Variants in SLIT3 observed in about 807,000 individuals in gnomAD.
SLIT3 encodes the protein slit homolog 3 protein.
A neutral mutation model predicts 184.0 loss-of-function variants in SLIT3; 68 were observed. That is an observed-to-expected ratio of 0.37 (90% CI 0.30 to 0.45). The LOEUF is 0.45. Ranked by LOEUF, SLIT3 falls within the 20% of genes least tolerant of loss-of-function variation. The pLI is 1.00. For missense variants in SLIT3, 1,707 were observed against 2,026.0 expected, an observed-to-expected ratio of 0.84 and a Z score of 3.02; for synonymous variants, 831 against 828.6, an observed-to-expected ratio of 1.00 and a Z score of -0.05.
intron 1 of SLIT3, among the ~76,000 whole-genome samples, chr5:169,294,867 G>A (rs1441454547): frequency 6.6e-6 from 1 of 152,144 alleles, no homozygotes; most frequent in Non-Finnish European, 1.5e-5. Flanking sequence ...GTAAGCCACT[G>A]TGACACAATC....
intron 4 of SLIT3, among the ~76,000 whole-genome samples, chr5:169,124,112 C>G (rs1395330375): frequency 6.6e-6 from 1 of 152,110 alleles, no homozygotes; most frequent in Non-Finnish European, 1.5e-5. Flanking sequence ...GTCTTAAAAT[C>G]TGTAAAGGGC....
intron 26 of SLIT3, 88 bp from the exon 27 acceptor site, chr5:168,700,767 C>T (rs1025732776): frequency 1.1e-6 from 1 of 947,048 alleles, no homozygotes; most frequent in Non-Finnish European, 1.7e-6. Flanking sequence ...CCAGCATTCT[C>T]TGTGATGAGG....
chr5:168,725,303 C>T (rs544423304), intron 20 of SLIT3, among the ~76,000 whole-genome samples: 5 of 152,264 alleles, frequency 3.3e-5, no homozygotes, highest in African/African-American at 1.2e-4. Flanking sequence ...AAGATAAGAA[C>T]GTCTCATTGT....
At chr5:168,818,019 G>A (rs1240480202) in intron 7 of SLIT3, among the ~76,000 whole-genome samples, 2 of 151,960 alleles carry the variant, frequency 1.3e-5, no homozygotes, top group Non-Finnish European at 2.9e-5. Context: ...CACTTTGTGT[G>A]CACTAGCTGG....
At position 168,870,013 on chromosome 5, in the gene SLIT3, G is replaced by A. The variant is rs934453115; in HGVS notation, c.485+13252C>T. ...GGCAGACACAGAAGTGCTCCGTGCCGGCACGGCAGGCGCTATGCATATGGA... is the reference window on the plus strand; with the variant it reads ...GGCAGACACAGAAGTGCTCCGTGCCAGCACGGCAGGCGCTATGCATATGGA... On this transcript the variant is annotated intron_variant, in intron 5 of 35. Coordinates refer to ENST00000519560, the MANE Select transcript of SLIT3 (RefSeq NM_003062.4). 9.2e-5 allele frequency among the ~76,000 whole-genome samples: 14 copies of A among 152,354 alleles called. 1 individual carries two copies. The highest frequency in any genetic ancestry group is 7.8e-4 in the Admixed American group (12 of 15,310).
At chr5:169,097,914 G>A (rs999474717) in intron 4 of SLIT3, among the ~76,000 whole-genome samples, 1 of 152,210 alleles carries the variant, frequency 6.6e-6, no homozygotes, top group Non-Finnish European at 1.5e-5. Flanking sequence ...CAAGGCCTGA[G>A]CTTTTAAAAA....
intron 4 of SLIT3, chr5:168,993,073 G>A (rs797006347): frequency 3.3e-5 from 5 of 152,278 alleles, no homozygotes; most frequent in African/African-American, 1.2e-4. Context: ...TAGGTGTTTG[G>A]GTCGGCTCTT....
intron 4 of SLIT3, among the ~76,000 whole-genome samples, chr5:169,063,706 C>G (rs1425872456): frequency 2.0e-5 from 3 of 152,174 alleles, no homozygotes; most frequent in Non-Finnish European, 4.4e-5. Flanking sequence ...CTGTGAAATG[C>G]AAAGGGAATT....
chr5:169,162,061 AC>A (rs1178494516), intron 4 of SLIT3, among the ~76,000 whole-genome samples: 5 of 152,220 alleles, frequency 3.3e-5, no homozygotes, highest in African/African-American at 1.2e-4. Flanking sequence ...GTTAATTTTC[AC>A]AACAACTTGT....
At chr5:168,815,679 G>A (rs777670428) in intron 8 of SLIT3, among the ~76,000 whole-genome samples, 2 of 152,154 alleles carry the variant, frequency 1.3e-5, no homozygotes, top group African/African-American at 2.4e-5. Context: ...AAATAACATG[G>A]TAAAATAACA....
At chr5:168,695,573 G>A (rs749471593) in intron 28 of SLIT3, among the ~76,000 whole-genome samples, 4 of 152,156 alleles carry the variant, frequency 2.6e-5, no homozygotes, top group African/African-American at 4.8e-5. Flanking sequence ...ATAACAAAGC[G>A]GGCTGTGTTT....
chr5:169,155,787 T>G (rs886944870), intron 4 of SLIT3, among the ~76,000 whole-genome samples: 8 of 152,238 alleles, frequency 5.3e-5, no homozygotes, highest in African/African-American at 1.9e-4. Flanking sequence ...GGGACAGAAG[T>G]GGCCACAGAT....
At chr5:168,711,377 A>G (rs1379655401) in intron 24 of SLIT3, among the ~76,000 whole-genome samples, 2 of 152,218 alleles carry the variant, frequency 1.3e-5, no homozygotes, top group South Asian at 4.2e-4. Context: ...CCATCTGATT[A>G]TCTGGTTCCC....
In SLIT3 at chr5:168,671,135, G is replaced by A. The variant is rs1307121252; in HGVS notation, c.4127+63C>T. ...CTCCAGTAGTGCCTATTTCTCAGGTGGGGTAGGGACTGAGGCCATTCTGGG... is the reference window on the plus strand; with the variant it reads ...CTCCAGTAGTGCCTATTTCTCAGGTAGGGTAGGGACTGAGGCCATTCTGGG... On this transcript the variant is annotated intron_variant, in intron 34 of 35. Coordinates refer to ENST00000519560, the MANE Select transcript of SLIT3 (RefSeq NM_003062.4). The A allele has an allele frequency of 3.2e-6, 5 of 1,540,156 alleles. No individual in the cohort carries two copies. The East Asian group carries it at 6.8e-5, about 21-fold the overall frequency.
At chr5:169,193,892 G>T (rs1258274813) in intron 3 of SLIT3, among the ~76,000 whole-genome samples, 1 of 152,116 alleles carries the variant, frequency 6.6e-6, no homozygotes, top group Non-Finnish European at 1.5e-5. Flanking sequence ...CATGAGCTTC[G>T]TGTAGCTATT....
chr5:168,696,061 G>GC lies in SLIT3; in HGVS notation c.3082+230dup, dbSNP rs577571164. On this transcript the variant is annotated intron_variant, in intron 28 of 35. Coordinates refer to ENST00000519560, the MANE Select transcript of SLIT3 (RefSeq NM_003062.4). The stretch of plus-strand genomic sequence containing the variant: ...CAATGAGATGAACAGCAGCTAAAGA[G>GC]CCTGGGACTCTGTTTCAAGTGGGAA... Among the ~76,000 whole-genome samples the GC allele has an allele frequency of 1.3e-3, 202 of 152,326 alleles. 2 individuals carry two copies. The highest frequency in any genetic ancestry group is 4.7e-3 in the African/African-American group (197 of 41,576).
chr5:169,195,052 A>G (rs1763694796), intron 3 of SLIT3, among the ~76,000 whole-genome samples: 1 of 152,162 alleles, frequency 6.6e-6, no homozygotes, highest in African/African-American at 2.4e-5. Context: ...CATAGCCTGG[A>G]TGAATTTTTC....
At chr5:168,836,002 A>T (rs1285126376) in intron 6 of SLIT3, among the ~76,000 whole-genome samples, 1 of 152,146 alleles carries the variant, frequency 6.6e-6, no homozygotes, top group African/African-American at 2.4e-5. Flanking sequence ...ATGAAAGCTC[A>T]GGGAAAAGTA....
At chr5:169,223,205 C>T (rs1461299607) in intron 3 of SLIT3, among the ~76,000 whole-genome samples, 2 of 152,052 alleles carry the variant, frequency 1.3e-5, no homozygotes, top group Non-Finnish European at 2.9e-5. Context: ...ATGAGAAATA[C>T]CTCTGTAAAT....
Sources: allele counts gnomAD v4.1 joint callset (sites outside exome capture counted in the v4.1 genomes callset), GRCh38; gene constraint gnomAD v4.1.1; transcripts MANE v1.5; gene names NCBI Gene and HGNC (gene_info 2026-07-23, HGNC 2026-07-21).